Variants in CEP192 observed in about 807,000 individuals in gnomAD.
The protein encoded by CEP192 is centrosomal protein 192, also known as centrosomal protein of 192 kDa.
CEP192 carries 151 observed loss-of-function variants against 271.8 expected under a neutral mutation model. The observed-to-expected ratio is 0.56, with a 90% CI of 0.49 to 0.64. CEP192 has a LOEUF of 0.64. CEP192 is among the 30% of genes least tolerant of loss of function. CEP192 has a pLI of 0.00. For missense variants in CEP192, 2,910 were observed against 3,020.5 expected (o/e 0.96, Z 0.86); for synonymous variants, 995 against 1,076.5 (o/e 0.92, Z 1.48).
At chr18:13,098,515 G>A (rs1052431764) in intron 36 of CEP192, among the ~76,000 whole-genome samples, 3 of 151,854 alleles carry the variant, frequency 2.0e-5, no homozygotes, top group African/African-American at 4.9e-5. Flanking sequence ...TCGCGGCCGG[G>A]CAGAGGCGCT....
At chr18:13,113,545 A>C in intron 40 of CEP192, 41 bp from the exon 41 acceptor site, 1 of 1,600,284 alleles carries the variant, frequency 6.2e-7, no homozygotes, top group Non-Finnish European at 8.5e-7. Flanking sequence ...ACTGTGTTTA[A>C]TGATCAGTGT....
chr18:13,082,243 T>A (rs995953734), intron 30 of CEP192, among the ~76,000 whole-genome samples: 1 of 152,082 alleles, frequency 6.6e-6, no homozygotes, highest in Non-Finnish European at 1.5e-5. Flanking sequence ...GGAGTCTAAG[T>A]CTCTTTGTAG....
rs1164100790 is a variant in CEP192 at position 13,030,472 on chromosome 18, T to A, written c.1398T>A (p.Asp466Glu). ...GGGAATTTTATTTTTTAGAAACAGA[T>A]CTCCCACAGAGTGTGGTCTATCAAA... The part of the protein sequence containing the change: ...ESIEKNKDKT[D>E]LPQSVVYQNE... The change falls in exon 11 of 45, where the codon GAT (aspartate) becomes GAA (glutamate). Residue 466 changes from aspartate to glutamate, a missense_variant. Physicochemically the swap from Asp to Glu is conservative, Grantham distance 45. Transcript: ENST00000506447. 1 of 1,581,374 alleles carries A rather than the reference T, an allele frequency of 6.3e-7. No individual in the cohort carries two copies. Among genetic ancestry groups the A allele is most frequent in the South Asian group, 1.1e-5 (1 of 87,402 alleles).
chr18:12,995,315 C>T (rs558806847), intron 1 of CEP192, among the ~76,000 whole-genome samples: 2 of 152,050 alleles, frequency 1.3e-5, no homozygotes, highest in African/African-American at 4.8e-5. Context: ...CCGCCCGCCT[C>T]GGCCTCCCAA....
At chr18:13,091,037 A>G (rs1434227073) in intron 33 of CEP192, among the ~76,000 whole-genome samples, 3 of 152,228 alleles carry the variant, frequency 2.0e-5, no homozygotes, top group Non-Finnish European at 4.4e-5. Context: ...AGGGGCTTAC[A>G]GACTCAGGGG....
At chr18:13,117,703 A>G in intron 44 of CEP192, 60 bp downstream of exon 44, 1 of 1,332,072 alleles carries the variant, frequency 7.5e-7, no homozygotes, top group South Asian at 1.2e-5. Context: ...GTCTCTTGGG[A>G]GTTGGGGCTT....
intron 40 of CEP192, among the ~76,000 whole-genome samples, chr18:13,109,931 A>G (rs1327389906): frequency 6.6e-6 from 1 of 152,228 alleles, no homozygotes; most frequent in Non-Finnish European, 1.5e-5. Context: ...ATGTGTTGCA[A>G]AAAGAATGAC....
Position 13,067,961 on chromosome 18 carries a change from G to A in CEP192, c.4614+5G>A. The A allele has an allele frequency of 6.2e-7, 1 of 1,606,256 alleles. No individual in the cohort carries two copies. The highest frequency in any genetic ancestry group is 8.5e-7 in the Non-Finnish European group (1 of 1,173,514). ...ATTAGACTGATTATTAATGCTGTAAGTATGAACATACAGTAAGAAACCATT... is the reference window on the plus strand; with the variant it reads ...ATTAGACTGATTATTAATGCTGTAAATATGAACATACAGTAAGAAACCATT... On this transcript the variant is annotated splice_donor_5th_base_variant and intron_variant, in intron 22 of 44. Coordinates refer to ENST00000506447, the MANE Select transcript of CEP192 (RefSeq NM_032142.4).
At chr18:13,021,389 A>G (rs2034985770) in intron 9 of CEP192, among the ~76,000 whole-genome samples, 1 of 152,196 alleles carries the variant, frequency 6.6e-6, no homozygotes, top group Non-Finnish European at 1.5e-5. Context: ...TCTCCATTGA[A>G]TGGTCTTGGC....
intron 38 of CEP192, among the ~76,000 whole-genome samples, chr18:13,103,274 T>C (rs1394320804): frequency 2.6e-5 from 4 of 152,210 alleles, no homozygotes; most frequent in African/African-American, 9.6e-5. Flanking sequence ...ATCATCTTAT[T>C]GCTCCTCTGC....
intron 42 of CEP192, among the ~76,000 whole-genome samples, chr18:13,115,990 G>A (rs1386038499): frequency 1.3e-5 from 2 of 152,202 alleles, no homozygotes; most frequent in East Asian, 3.9e-4. Context: ...GCCACCACCA[G>A]CAAACATTGC....
intron 9 of CEP192, among the ~76,000 whole-genome samples, chr18:13,022,064 T>A (rs1459717512): frequency 6.6e-6 from 1 of 152,102 alleles, no homozygotes; most frequent in Non-Finnish European, 1.5e-5. Context: ...TGTAATGTCT[T>A]TTTTGAGATT....
rs187009170 is a variant in CEP192, at chr18:13,033,148, A to T, written c.1534+2540A>T. 4.1e-3 allele frequency among the ~76,000 whole-genome samples: 617 copies of T among 152,304 alleles called. 4 individuals are homozygous for T. The highest frequency in any genetic ancestry group is 6.1e-3 in the Non-Finnish European group (416 of 68,018). On this transcript the variant is annotated intron_variant, in intron 11 of 44. Transcript: ENST00000506447. ...TACACTTCACCTCTCTATCGTAAAA[A>T]GTTTTTAAAAATTAGCAAACTGAGA...
At chr18:12,993,307 G>T (rs1157966233) in intron 1 of CEP192, among the ~76,000 whole-genome samples, 1 of 152,144 alleles carries the variant, frequency 6.6e-6, no homozygotes, top group African/African-American at 2.4e-5. Flanking sequence ...ATTGCATTCG[G>T]GGGTAAGGTA....
In CEP192 at chr18:13,069,847, G is replaced by A; in HGVS notation, c.5165G>A (p.Cys1722Tyr). 1 of 1,565,548 alleles carries A rather than the reference G, an allele frequency of 6.4e-7. No individual in the cohort carries two copies. The highest frequency in any genetic ancestry group is 2.2e-5 in the East Asian group (1 of 44,586). Residue 1722 changes from cysteine (C) to tyrosine (Y), a missense_variant, in exon 27 of 45, where the codon TGC (cysteine) becomes TAC (tyrosine). Physicochemically the swap from Cys to Tyr is radical, Grantham distance 194. Coordinates refer to ENST00000506447, the MANE Select transcript of CEP192 (RefSeq NM_032142.4). ...VSFTPKDPEA[C>Y]EERILKIFVQ... is the part of the protein sequence containing the mutation. Reference sequence around the variant, plus strand: ...TTTACTCCAAAGGATCCTGAAGCCTGCGAGGAAAGGTAATATAAAAATGTT... The same window carrying A: ...TTTACTCCAAAGGATCCTGAAGCCTACGAGGAAAGGTAATATAAAAATGTT...
Position 13,056,179 on chromosome 18 carries a change from C to G in CEP192, c.3589C>G (p.Gln1197Glu), listed in dbSNP as rs200071793. ...CTGCCAGGAGCCTATAGATGAAGAT[C>G]AAAGAATAAGTCCTAAAGATAAGTC... Reference protein sequence around the residue: ...VSCQEPIDEDQRISPKDKSTA... With the variant: ...VSCQEPIDEDERISPKDKSTA... The change falls in exon 19 of 45, where the codon CAA (glutamine) becomes GAA (glutamate). Residue 1197 changes from glutamine (Q) to glutamate (E), a missense_variant. By Grantham distance (29) the Gln-to-Glu change is conservative. Coordinates refer to ENST00000506447, the MANE Select transcript of CEP192 (RefSeq NM_032142.4). The G allele has an allele frequency of 2.7e-5, 43 of 1,613,858 alleles. No homozygotes were observed. The highest frequency in any genetic ancestry group is 3.5e-5 in the Non-Finnish European group (41 of 1,179,936).
intron 44 of CEP192, 91 bp from the exon 45 acceptor site, chr18:13,124,541 C>T (rs774049410): frequency 2.1e-4 from 273 of 1,289,732 alleles, no homozygotes; most frequent in South Asian, 1.8e-4. Context: ...CGAGCTCTTT[C>T]CTCAACACCT....
At chr18:13,098,827 G>T (rs1598598821) in intron 36 of CEP192, among the ~76,000 whole-genome samples, 1 of 152,192 alleles carries the variant, frequency 6.6e-6, no homozygotes, top group East Asian at 1.9e-4. Context: ...GCCAAGGCAG[G>T]CGGCTGGGAG....
chr18:13,114,799 A>C (rs1336912467), intron 42 of CEP192, among the ~76,000 whole-genome samples: 1 of 152,224 alleles, frequency 6.6e-6, no homozygotes, highest in African/African-American at 2.4e-5. Context: ...CATGTGTTGA[A>C]CTTTAAAATA....
Sources: allele counts gnomAD v4.1 joint callset (sites outside exome capture counted in the v4.1 genomes callset), GRCh38; gene constraint gnomAD v4.1.1; transcripts MANE v1.5; gene names NCBI Gene and HGNC (gene_info 2026-07-23, HGNC 2026-07-21).